SLIT2: variants seen among roughly 807,000 people sequenced by gnomAD.
SLIT2 encodes slit guidance ligand 2, also known as slit homolog 2 protein.
In SLIT2, 41 loss-of-function variants were observed where a neutral mutation model predicts 185.7. The observed-to-expected ratio is 0.22, with a 90% CI of 0.17 to 0.29. The LOEUF is 0.29. Among genes scored for constraint, SLIT2 ranks in the 10% least tolerant of loss-of-function variants. SLIT2 has a pLI of 1.00. For synonymous variants in SLIT2, 693 were observed against 680.2 expected, an observed-to-expected ratio of 1.02 and a Z score of -0.29; for missense variants, 1,571 against 1,909.0, an observed-to-expected ratio of 0.82 and a Z score of 3.30.
At chr4:20,272,483 C>T (rs1713730338) in intron 4 of SLIT2, among the ~76,000 whole-genome samples, 1 of 151,980 alleles carries the variant, frequency 6.6e-6, no homozygotes, top group Non-Finnish European at 1.5e-5. Context: ...TTTATGAGTA[C>T]TAATACAAAT....
intron 4 of SLIT2, among the ~76,000 whole-genome samples, chr4:20,464,243 A>G (rs1300576517): frequency 6.6e-6 from 1 of 152,098 alleles, no homozygotes; most frequent in Non-Finnish European, 1.5e-5. Context: ...CTAAATTTGA[A>G]CCTTTGACCC....
At chr4:20,302,194 T>C (rs1046371542) in intron 4 of SLIT2, among the ~76,000 whole-genome samples, 25 of 152,250 alleles carry the variant, frequency 1.6e-4, no homozygotes, top group Non-Finnish European at 3.2e-4. Flanking sequence ...TCTATTCTTT[T>C]ATATCATGGA....
chr4:20,532,012 T>C lies in SLIT2; in HGVS notation c.1642T>C (p.Leu548=), dbSNP rs761101181. The change falls in exon 17 of 37, where the codon TTG becomes CTG. Residue 548 remains leucine, a synonymous_variant. Transcript: ENST00000504154. ...TCTCAATAATAATGAATTTACCGTG[T>C]TGGAAGCCACAGGAATCTTTAAGAA... ...LRLNNNEFTV[L]EATGIFKKLP... 1.9e-6 allele frequency: 3 copies of C among 1,581,658 alleles called. No homozygotes were observed. The highest frequency in any genetic ancestry group is 1.7e-4 in the Middle Eastern group (1 of 5,964).
chr4:20,572,661 G>A (rs932720491), intron 29 of SLIT2, among the ~76,000 whole-genome samples: 5 of 152,130 alleles, frequency 3.3e-5, no homozygotes, highest in African/African-American at 4.8e-5. Flanking sequence ...ATTCAAAAAT[G>A]TGCTTTTGTA....
chr4:20,293,228 C>T (rs377536661), intron 4 of SLIT2, among the ~76,000 whole-genome samples: 1 of 152,172 alleles, frequency 6.6e-6, no homozygotes, highest in African/African-American at 2.4e-5. Context: ...TTCATTCAGA[C>T]TTTATTTGAT....
chr4:20,407,860 A>G (rs371471851), intron 4 of SLIT2, among the ~76,000 whole-genome samples: 24 of 152,304 alleles, frequency 1.6e-4, no homozygotes, highest in Middle Eastern at 3.4e-3. Context: ...AGGAAAGCCA[A>G]GGACCAAAGA....
At chr4:20,516,439 G>A (rs1207592559) in intron 11 of SLIT2, among the ~76,000 whole-genome samples, 1 of 152,044 alleles carries the variant, frequency 6.6e-6, no homozygotes, top group African/African-American at 2.4e-5. Flanking sequence ...GTCATTCTTG[G>A]TATTTGGATG....
At chr4:20,357,699 C>T (rs1488531434) in intron 4 of SLIT2, among the ~76,000 whole-genome samples, 2 of 152,104 alleles carry the variant, frequency 1.3e-5, no homozygotes, top group Non-Finnish European at 2.9e-5. Context: ...GTTTGAAAGA[C>T]ATACTATTAT....
rs1722114724 is a variant in SLIT2, at chr4:20,252,446, T to G, written c.-1370T>G. ...ACTACCCGGGACTGCGGCCGCCGCG[T>G]CAGGTGCAGCGCCAGGAGCCGGGCG... On this transcript the variant is annotated 5_prime_UTR_variant, in exon 1 of 37. Coordinates refer to ENST00000504154, the MANE Select transcript of SLIT2 (RefSeq NM_004787.4). Among the ~76,000 whole-genome samples, 1 of 152,094 alleles carries G rather than the reference T, an allele frequency of 6.6e-6. No homozygotes were observed. The highest frequency in any genetic ancestry group is 2.4e-5 in the African/African-American group (1 of 41,408).
chr4:20,336,437 A>G (rs866680562), intron 4 of SLIT2, among the ~76,000 whole-genome samples: 1 of 152,150 alleles, frequency 6.6e-6, no homozygotes, highest in Non-Finnish European at 1.5e-5. Flanking sequence ...AAGAACAGAA[A>G]ACCTAACACT....
chr4:20,366,862 A>T (rs1484381767), intron 4 of SLIT2, among the ~76,000 whole-genome samples: 1 of 152,044 alleles, frequency 6.6e-6, no homozygotes, highest in Non-Finnish European at 1.5e-5. Flanking sequence ...CAGTGCTATG[A>T]TCGCAGCTCA....
intron 4 of SLIT2, among the ~76,000 whole-genome samples, chr4:20,373,665 G>A (rs1249659663): frequency 6.6e-6 from 1 of 152,050 alleles, no homozygotes; most frequent in Non-Finnish European, 1.5e-5. Flanking sequence ...TATGTATTGA[G>A]TCCTTTTGAG....
chr4:20,260,184 G>A (rs1712297512), intron 3 of SLIT2, among the ~76,000 whole-genome samples: 1 of 151,850 alleles, frequency 6.6e-6, no homozygotes, highest in East Asian at 1.9e-4. Context: ...AAACTGCTAT[G>A]GCCTGTGGTA....
At chr4:20,527,430 G>A (rs905743071) in intron 15 of SLIT2, among the ~76,000 whole-genome samples, 1 of 152,076 alleles carries the variant, frequency 6.6e-6, no homozygotes, top group Non-Finnish European at 1.5e-5. Context: ...GGGACTACAG[G>A]CGCCCGCAAC....
At chr4:20,316,718 C>G (rs994659513) in intron 4 of SLIT2, among the ~76,000 whole-genome samples, 10 of 151,088 alleles carry the variant, frequency 6.6e-5, no homozygotes, top group Admixed American at 4.0e-4. Flanking sequence ...AGAAAAGCTA[C>G]TATGAATTAT....
intron 9 of SLIT2, among the ~76,000 whole-genome samples, chr4:20,500,749 A>C (rs893648367): frequency 1.3e-4 from 20 of 152,180 alleles, no homozygotes; most frequent in African/African-American, 7.2e-5. Flanking sequence ...TAGTTTTGTT[A>C]GTTTTTAAAG....
intron 21 of SLIT2, among the ~76,000 whole-genome samples, chr4:20,544,784 A>G (rs1393115152): frequency 4.6e-5 from 7 of 152,154 alleles, no homozygotes; most frequent in Non-Finnish European, 8.8e-5. Context: ...TATTTTACAT[A>G]TAAACATTCA....
intron 4 of SLIT2, among the ~76,000 whole-genome samples, chr4:20,356,293 C>T (rs1026111929): frequency 1.1e-4 from 17 of 152,136 alleles, no homozygotes; most frequent in African/African-American, 4.1e-4. Flanking sequence ...CTATTCCTTC[C>T]TCTCCACCCA....
chr4:20,595,857 CCT>C, intron 31 of SLIT2, 23 bp downstream of exon 31: 1 of 1,605,642 alleles, frequency 6.2e-7, no homozygotes, highest in Non-Finnish European at 8.5e-7. Flanking sequence ...ATGAATAAGA[CCT>C]AGTGTTCAAT....
Sources: allele counts gnomAD v4.1 joint callset (sites outside exome capture counted in the v4.1 genomes callset), GRCh38; gene constraint gnomAD v4.1.1; transcripts MANE v1.5; gene names NCBI Gene and HGNC (gene_info 2026-07-23, HGNC 2026-07-21).